OTOGL: variants seen among roughly 807,000 people sequenced by gnomAD.
OTOGL encodes the protein otogelin like.
Under a neutral mutation model 318.5 loss-of-function variants are expected in OTOGL, and 285 were observed. The ratio of observed to expected loss-of-function variants is 0.89; its 90% CI spans 0.81 to 0.99. The LOEUF is 0.99. OTOGL is among the 50% of genes least tolerant of loss of function. The pLI, the probability that OTOGL is intolerant of heterozygous loss-of-function variation, is 0.00. For missense variants in OTOGL, 2,899 were observed against 2,845.6 expected (o/e 1.02, Z -0.43); for synonymous variants, 987 against 936.5 (o/e 1.05, Z -0.99).
chr12:80,370,726 A>T, intron 56 of OTOGL, 37 bp downstream of exon 56: 1 of 1,412,408 alleles, frequency 7.1e-7, no homozygotes, highest in East Asian at 2.5e-5. Context: ...ATTTATTATT[A>T]TATAATTTAG....
intron 46 of OTOGL, among the ~76,000 whole-genome samples, chr12:80,353,810 ATTAG>A (rs1889710503): frequency 6.6e-6 from 1 of 152,196 alleles, no homozygotes; most frequent in Non-Finnish European, 1.5e-5. Flanking sequence ...TAATTCATGT[ATTAG>A]TTGTTCATTT....
intron 26 of OTOGL, among the ~76,000 whole-genome samples, chr12:80,286,804 G>T: frequency 6.6e-6 from 1 of 151,866 alleles, no homozygotes; most frequent in East Asian, 1.9e-4. Context: ...TCTGGCTAGT[G>T]GTCTGTTTTG....
intron 1 of OTOGL, among the ~76,000 whole-genome samples, chr12:80,190,948 G>T (rs1014288175): frequency 3.9e-5 from 6 of 152,088 alleles, no homozygotes; most frequent in African/African-American, 9.7e-5. Flanking sequence ...GCAGCTAACA[G>T]GGAAAGGCCA....
intron 29 of OTOGL, among the ~76,000 whole-genome samples, chr12:80,307,447 C>A (rs1258641230): frequency 6.0e-4 from 88 of 147,824 alleles, no homozygotes; most frequent in African/African-American, 2.2e-3. Context: ...CTGACCCCCC[C>A]CACCTCCCTC....
At chr12:80,209,198 G>T (rs1231942447) in intron 1 of OTOGL, among the ~76,000 whole-genome samples, 1 of 152,064 alleles carries the variant, frequency 6.6e-6, no homozygotes, top group Non-Finnish European at 1.5e-5. Flanking sequence ...ACGGGCTCAG[G>T]TAAGAAGCTG....
intron 53 of OTOGL, among the ~76,000 whole-genome samples, chr12:80,366,848 T>C (rs1890572487): frequency 6.6e-6 from 1 of 151,884 alleles, no homozygotes; most frequent in Non-Finnish European, 1.5e-5. Flanking sequence ...AACAGAAATA[T>C]AAATATTTTT....
chr12:80,206,857 C>G (rs1016361473), intron 1 of OTOGL, among the ~76,000 whole-genome samples: 6 of 152,060 alleles, frequency 3.9e-5, no homozygotes, highest in Non-Finnish European at 8.8e-5. Context: ...ACATATAGTT[C>G]AAAATAGAAA....
chr12:80,214,087 A>C (rs1416351596), intron 4 of OTOGL, among the ~76,000 whole-genome samples: 1 of 152,188 alleles, frequency 6.6e-6, no homozygotes, highest in Non-Finnish European at 1.5e-5. Context: ...ATCAGGAAGG[A>C]GGAAGGGTGG....
At position 80,328,420 on chromosome 12, in the gene OTOGL, TAA is replaced by T. The variant is rs1376978149; in HGVS notation, c.4200-244_4200-243del. On this transcript the variant is annotated intron_variant, in intron 35 of 58. Coordinates refer to ENST00000547103, the MANE Select transcript of OTOGL (RefSeq NM_001378609.3). ...ACAGGGACTTAGTGTGCCCCAAATA[TAA>T]GTGTATGGTTCTAATATTCTGTGTC... is the stretch of plus-strand genomic sequence containing the variant. Among the ~76,000 whole-genome samples, 8 of 152,188 alleles carry T rather than the reference TAA, an allele frequency of 5.3e-5. No homozygotes were observed. The East Asian group carries it at 1.3e-3, about 26-fold the overall frequency.
chr12:80,218,795 C>CT (rs34204072), intron 5 of OTOGL, among the ~76,000 whole-genome samples: 9,462 of 118,248 alleles, frequency 0.08, 603 homozygotes, highest in African/African-American at 0.12. Context: ...CTTTTTCTTT[C>CT]TTTTTTTTTT....
At chr12:80,147,542 G>A (rs1028233042) in intron 1 of OTOGL, among the ~76,000 whole-genome samples, 2 of 151,802 alleles carry the variant, frequency 1.3e-5, no homozygotes, top group Non-Finnish European at 2.9e-5. Flanking sequence ...GTGATTTGGG[G>A]TGGAGAGTTC....
chr12:80,225,173 G>T (rs1878715120), intron 7 of OTOGL, among the ~76,000 whole-genome samples: 2 of 152,122 alleles, frequency 1.3e-5, no homozygotes, highest in Admixed American at 1.3e-4. Flanking sequence ...AGATAGGGCA[G>T]TTGGTGAAAT....
intron 52 of OTOGL, among the ~76,000 whole-genome samples, chr12:80,362,802 A>G (rs749827576): frequency 1.3e-5 from 2 of 152,156 alleles, no homozygotes; most frequent in Non-Finnish European, 2.9e-5. Context: ...AGGGGCTAAT[A>G]GAAACGGAAG....
Position 80,152,421 on chromosome 12 carries a change from G to A in OTOGL, c.-20+52816G>A, listed in dbSNP as rs116987449. Among the ~76,000 whole-genome samples, 3 of 152,254 alleles carry A rather than the reference G, an allele frequency of 2.0e-5. No homozygotes were observed. The East Asian group carries it at 5.8e-4, about 29-fold the overall frequency. On this transcript the variant is annotated intron_variant, in intron 1 of 58. Transcript: ENST00000547103. ...CTGAGATCTTCCCTCCCAAATTTCA[G>A]CTCGAAGCTGAAAGGTCAGAGGTAC...
At chr12:80,103,158 C>T (rs760010425) in intron 1 of OTOGL, 14 of 1,242,636 alleles carry the variant, frequency 1.1e-5, no homozygotes, top group South Asian at 9.6e-5. Context: ...GTAGTGTCCT[C>T]GTACAACCTG....
chr12:80,302,827 A>C, intron 28 of OTOGL, 44 bp downstream of exon 28: 1 of 1,376,848 alleles, frequency 7.3e-7, no homozygotes, highest in Non-Finnish European at 9.5e-7. Context: ...GAATAAAATC[A>C]CATTTAGTTT....
intron 28 of OTOGL, among the ~76,000 whole-genome samples, chr12:80,303,005 T>A (rs974152943): frequency 2.0e-5 from 3 of 152,210 alleles, no homozygotes; most frequent in African/African-American, 7.2e-5. Context: ...TTTCCAAGAT[T>A]ACTTAAGCCA....
At chr12:80,376,006 G>T (rs988719404) in intron 57 of OTOGL, among the ~76,000 whole-genome samples, 1 of 151,928 alleles carries the variant, frequency 6.6e-6, no homozygotes. Context: ...TATGGAGGGT[G>T]CATTAAAGAG....
chr12:80,256,395 A>G lies in OTOGL; in HGVS notation c.1646A>G (p.Lys549Arg). The change falls in exon 17 of 59, where the codon AAA becomes AGA. Residue 549 changes from lysine (K) to arginine (R), a missense_variant. This residue lies in a region of OTOGL where 2,607 missense variants were observed against 2,524.9 expected (regional missense o/e 1.03). Transcript: ENST00000547103. ...ITLILEDDFNKQVTLGRGGQI... is the reference protein window; with the variant it reads ...ITLILEDDFNRQVTLGRGGQI... ...CTGATTCTGGAGGATGATTTTAACA[A>G]ACAAGTGACCCTTGGTAGGGGAGGA... The G allele has an allele frequency of 3.8e-6, 6 of 1,595,392 alleles. No homozygotes were observed. The highest frequency in any genetic ancestry group is 5.1e-6 in the Non-Finnish European group (6 of 1,177,528).
Sources: allele counts gnomAD v4.1 joint callset (sites outside exome capture counted in the v4.1 genomes callset), GRCh38; gene constraint gnomAD v4.1.1; regional missense constraint gnomAD v4.1.1; transcripts MANE v1.5; gene names NCBI Gene and HGNC (gene_info 2026-07-23, HGNC 2026-07-21).